The following IRAK1BP1 variants were observed in gnomAD, a reference collection of about 807,000 sequenced individuals.
IRAK1BP1 encodes interleukin 1 receptor associated kinase 1 binding protein 1.
A neutral mutation model predicts 28.0 loss-of-function variants in IRAK1BP1; 24 were observed. The ratio of observed to expected loss-of-function variants is 0.86; its 90% CI spans 0.62 to 1.20. The LOEUF is 1.20. IRAK1BP1 is among the 50% of genes most tolerant of loss of function. The pLI is 0.00. For missense variants in IRAK1BP1, 336 were observed against 316.7 expected (o/e 1.06, Z -0.46); for synonymous variants, 131 against 116.3 (o/e 1.13, Z -0.81).
rs748382720 is a variant in IRAK1BP1 at position 78,940,795 on chromosome 6, C to T, written c.*68-4613C>T. 4 of 1,613,870 alleles carry T rather than the reference C, an allele frequency of 2.5e-6. No individual in the cohort carries two copies. The South Asian group carries it at 3.3e-5, about 13-fold the overall frequency. ...AAGAGGTGTCTTCGAACAACAGCTG[C>T]CTTTGCTCCTCTTCAGAGTCATCCT... On this transcript the variant is annotated intron_variant and NMD_transcript_variant, in intron 4 of 4. Coordinates refer to the IRAK1BP1 transcript ENST00000606868.
intron 1 of IRAK1BP1, among the ~76,000 whole-genome samples, chr6:78,880,339 A>G (rs1422902152): frequency 6.6e-6 from 1 of 152,224 alleles, no homozygotes; most frequent in Admixed American, 6.5e-5. Flanking sequence ...TTTGAGCATC[A>G]TGTTTGTGCT....
intron 4 of IRAK1BP1, among the ~76,000 whole-genome samples, chr6:78,917,632 T>TAAAAAAAAA (rs35313944): frequency 1.6e-5 from 1 of 63,690 alleles, no homozygotes; most frequent in Non-Finnish European, 2.9e-5. Context: ...AAGTCAACAC[T>TAAAAAAAAA]AAAAAAAAAA....
At chr6:78,955,456 TAAG>T in the IRAK1BP1 span, among the ~76,000 whole-genome samples, 5 of 151,776 alleles carry the variant, frequency 3.3e-5, no homozygotes, top group South Asian at 6.2e-4. Context: ...TTTTTAACTA[TAAG>T]AAGAATATTC....
At chr6:78,913,472 C>T (rs1269328158) in intron 4 of IRAK1BP1, among the ~76,000 whole-genome samples, 3 of 152,092 alleles carry the variant, frequency 2.0e-5, no homozygotes, top group African/African-American at 4.8e-5. Context: ...GCGGTGAAAC[C>T]CCATCTGTAC....
At chr6:78,936,133 A>G (rs990694113) in intron 4 of IRAK1BP1, 1 of 152,034 alleles carries the variant, frequency 6.6e-6, no homozygotes, top group African/African-American at 2.4e-5. Context: ...AAACTTCAAT[A>G]AAGCTAAATA....
chr6:78,978,716 C>G, the IRAK1BP1 span: 2 of 1,588,028 alleles, frequency 1.3e-6, no homozygotes, highest in Non-Finnish European at 1.7e-6. Flanking sequence ...CAATCTCTGA[C>G]AAAATTTAAG....
chr6:78,973,765 A>C, the IRAK1BP1 span, among the ~76,000 whole-genome samples: 3 of 152,006 alleles, frequency 2.0e-5, no homozygotes, highest in Admixed American at 6.6e-5. Flanking sequence ...AACAAAGATC[A>C]AAAGAGACAA....
intron 4 of IRAK1BP1, among the ~76,000 whole-genome samples, chr6:78,924,196 A>G (rs543995820): frequency 4.6e-5 from 7 of 152,304 alleles, no homozygotes; most frequent in African/African-American, 1.7e-4. Flanking sequence ...AAGAAAAGAG[A>G]AGTATCAAAT....
chr6:78,966,852 T>C, the IRAK1BP1 span, among the ~76,000 whole-genome samples: 5 of 152,256 alleles, frequency 3.3e-5, no homozygotes, highest in African/African-American at 1.2e-4. Context: ...GTGGCTAGCA[T>C]AGGCTAGAGC....
the IRAK1BP1 span, among the ~76,000 whole-genome samples, chr6:78,952,264 T>C: frequency 6.6e-6 from 1 of 151,474 alleles, no homozygotes; most frequent in Admixed American, 6.6e-5. Flanking sequence ...ACTAAAAATA[T>C]ACAAATTAGT....
chr6:78,932,431 T>TTC (rs1773079862), intron 4 of IRAK1BP1, among the ~76,000 whole-genome samples: 1 of 148,952 alleles, frequency 6.7e-6, no homozygotes, highest in South Asian at 2.2e-4. Context: ...CTTTTTTTTT[T>TTC]TTTTTTTGAG....
downstream of IRAK1BP1, among the ~76,000 whole-genome samples, chr6:78,904,477 C>G (rs1217252717): frequency 6.6e-6 from 1 of 152,168 alleles, no homozygotes; most frequent in Non-Finnish European, 1.5e-5. Context: ...ATTCAGTAAA[C>G]TTACAATTTT....
intron 2 of IRAK1BP1, among the ~76,000 whole-genome samples, chr6:78,888,266 G>A (rs1045079351): frequency 2.0e-5 from 3 of 152,104 alleles, no homozygotes; most frequent in Non-Finnish European, 4.4e-5. Context: ...CTAGATATGG[G>A]CTATACAGTG....
the IRAK1BP1 span, among the ~76,000 whole-genome samples, chr6:78,973,586 T>C: frequency 0.97 from 29,886 of 30,738 alleles, 14,641 homozygotes; most frequent in East Asian, 1. Flanking sequence ...GACTGGCAAA[T>C]TGGATAAACA....
At chr6:78,955,020 T>C in the IRAK1BP1 span, 1 of 1,266,564 alleles carries the variant, frequency 7.9e-7, no homozygotes, top group East Asian at 2.4e-5. Context: ...ATAAAATTTG[T>C]ACTTTTAATG....
the IRAK1BP1 span, among the ~76,000 whole-genome samples, chr6:78,973,290 G>A: frequency 1.5e-4 from 23 of 151,146 alleles, 1 homozygote; most frequent in Admixed American, 1.2e-3. Flanking sequence ...CTTCATAAGT[G>A]AAGGAGAAAT....
the IRAK1BP1 span, chr6:78,969,768 T>G: frequency 9.9e-6 from 7 of 705,740 alleles, no homozygotes; most frequent in Middle Eastern, 2.5e-4. Flanking sequence ...TTATGAAAAA[T>G]AGTAAATCAC....
At chr6:78,939,902 A>G (rs1773401751) in intron 4 of IRAK1BP1, 1 of 152,460 alleles carries the variant, frequency 6.6e-6, no homozygotes, top group Non-Finnish European at 1.5e-5. Flanking sequence ...AGCCTTTCCA[A>G]TATTGAAAAG....
At chr6:78,887,539 G>A (rs147804756) in intron 2 of IRAK1BP1, among the ~76,000 whole-genome samples, 2,058 of 152,098 alleles carry the variant, frequency 0.014, 18 homozygotes, top group Non-Finnish European at 0.02. Context: ...GGTGGCGGGC[G>A]CCTGTAATCA....
Sources: gnomAD v4.1 joint callset for allele counts (sites outside exome capture counted in the v4.1 genomes callset) on GRCh38, gnomAD v4.1.1 for gene constraint, MANE v1.5 for transcripts, NCBI Gene and HGNC (gene_info 2026-07-23, HGNC 2026-07-21) for gene names.